Variants in SND1 observed in about 807,000 individuals in gnomAD.
The protein encoded by SND1 is staphylococcal nuclease and tudor domain containing 1, also known as staphylococcal nuclease domain-containing protein 1.
In SND1, 38 loss-of-function variants were observed where a neutral mutation model predicts 121.7. The observed-to-expected ratio is 0.31, with a 90% CI of 0.24 to 0.41. The LOEUF (loss-of-function observed/expected upper bound fraction) is 0.41. Ranked by LOEUF, SND1 falls within the 10% of genes least tolerant of loss-of-function variation. The pLI is 1.00. For synonymous variants in SND1, 401 were observed against 447.4 expected, an observed-to-expected ratio of 0.90 and a Z score of 1.31; for missense variants, 868 against 1,184.6, an observed-to-expected ratio of 0.73 and a Z score of 3.92.
rs149912705 is a variant in SND1 at position 127,792,091 on chromosome 7, C to T, written c.1153-15393C>T. Among the ~76,000 whole-genome samples, 102 of 152,296 alleles carry T rather than the reference C, an allele frequency of 6.7e-4. No homozygotes were observed. The East Asian group carries it at 0.016, about 24-fold the overall frequency. ...GCACATTCCATGGATTAGACACATA[C>T]TGTGACTTGAAAGTCTTCTCTTTAC... On this transcript the variant is annotated intron_variant, in intron 10 of 23. Transcript: ENST00000354725.
At chr7:127,755,126 G>A (rs1190335414) in intron 10 of SND1, among the ~76,000 whole-genome samples, 2 of 152,170 alleles carry the variant, frequency 1.3e-5, no homozygotes, top group Non-Finnish European at 2.9e-5. Context: ...ATGCCAAGAA[G>A]TGTATATTAT....
chr7:127,941,912 T>TA (rs71312837), intron 15 of SND1, among the ~76,000 whole-genome samples: 73 of 134,208 alleles, frequency 5.4e-4, no homozygotes, highest in African/African-American at 1.9e-3. Context: ...TTTTTTTTTT[T>TA]AAATTTTCCA....
At chr7:127,858,930 T>C (rs1799331320) in intron 12 of SND1, among the ~76,000 whole-genome samples, 1 of 152,220 alleles carries the variant, frequency 6.6e-6, no homozygotes. Context: ...TTTCTTCCTC[T>C]GAACAAAACG....
At chr7:127,939,687 A>G (rs551601686) in intron 15 of SND1, among the ~76,000 whole-genome samples, 4 of 152,256 alleles carry the variant, frequency 2.6e-5, no homozygotes, top group East Asian at 1.9e-4. Context: ...ATCGCCTTCT[A>G]TGGAGTCAGA....
At position 127,904,911 on chromosome 7, in the gene SND1, C is replaced by G. The variant is rs954644738; in HGVS notation, c.1527+92C>G. The G allele has an allele frequency of 2.6e-4, 219 of 828,936 alleles. 1 individual carries two copies. In the Middle Eastern group the frequency reaches 2.8e-3, roughly 11 times the overall value. 51.3% of individuals were successfully genotyped at this position (828,936 alleles called of 1,614,324 possible). A position where few individuals can be genotyped will look rare whatever the true frequency, so the allele number is the denominator to read the frequency against. ...AAGGACTTCAGCTTATGTATTTTCT[C>G]TAGCTCGCTCCTTTTCAGGCACTGA... On this transcript the variant is annotated intron_variant, in intron 14 of 23. Transcript: ENST00000354725.
chr7:127,725,575 T>C (rs1158973584), intron 10 of SND1, among the ~76,000 whole-genome samples: 2 of 151,966 alleles, frequency 1.3e-5, no homozygotes, highest in Non-Finnish European at 2.9e-5. Context: ...AAACATGGAG[T>C]GCTTGAGGAA....
chr7:128,045,056 G>A (rs755881668), intron 16 of SND1, among the ~76,000 whole-genome samples: 18 of 152,272 alleles, frequency 1.2e-4, no homozygotes, highest in East Asian at 1.9e-4. Flanking sequence ...CATAGATAGC[G>A]TGGAAACTAG....
chr7:128,012,811 TG>T (rs1803144124), intron 16 of SND1, among the ~76,000 whole-genome samples: 1 of 152,128 alleles, frequency 6.6e-6, no homozygotes, highest in Non-Finnish European at 1.5e-5. Flanking sequence ...TCTTCTTTCT[TG>T]GGGGGTTTTG....
At chr7:127,823,175 T>C (rs1462941098) in intron 11 of SND1, among the ~76,000 whole-genome samples, 1 of 151,956 alleles carries the variant, frequency 6.6e-6, no homozygotes, top group Non-Finnish European at 1.5e-5. Flanking sequence ...ACAGAGTGAG[T>C]TCTTAAGAGG....
chr7:127,759,173 G>T (rs564451460), intron 10 of SND1, among the ~76,000 whole-genome samples: 16 of 152,204 alleles, frequency 1.1e-4, no homozygotes, highest in Middle Eastern at 3.4e-3. Context: ...CAAATGAATC[G>T]ATAAGAATCG....
intron 10 of SND1, among the ~76,000 whole-genome samples, chr7:127,760,342 G>A (rs1797280452): frequency 6.6e-6 from 1 of 152,186 alleles, no homozygotes; most frequent in South Asian, 2.1e-4. Flanking sequence ...ACTGTATTTA[G>A]TTCTCTGTTT....
At chr7:127,856,526 G>A (rs77486166) in intron 12 of SND1, among the ~76,000 whole-genome samples, 4 of 152,280 alleles carry the variant, frequency 2.6e-5, no homozygotes, top group East Asian at 1.9e-4. Flanking sequence ...CAAATATTGC[G>A]ATCTTGGAGG....
intron 12 of SND1, among the ~76,000 whole-genome samples, chr7:127,874,863 A>G (rs894058816): frequency 6.6e-6 from 1 of 152,150 alleles, no homozygotes; most frequent in Non-Finnish European, 1.5e-5. Flanking sequence ...ATATGTGGAT[A>G]GATTATTTTT....
intron 9 of SND1, among the ~76,000 whole-genome samples, chr7:127,711,677 T>G (rs1796300246): frequency 6.6e-6 from 1 of 152,138 alleles, no homozygotes; most frequent in Non-Finnish European, 1.5e-5. Flanking sequence ...TCTAGAATCT[T>G]TGTTCTCTTT....
chr7:128,031,210 C>T (rs1157395871), intron 16 of SND1: 1 of 152,292 alleles, frequency 6.6e-6, no homozygotes, highest in Non-Finnish European at 1.5e-5. Context: ...AGGAGCGGCG[C>T]CACCAGCGCT....
intron 11 of SND1, among the ~76,000 whole-genome samples, chr7:127,835,662 C>T (rs1798854625): frequency 6.7e-6 from 1 of 149,390 alleles, no homozygotes; most frequent in Non-Finnish European, 1.5e-5. Context: ...GATAATGGAG[C>T]ATTAGCACAA....
intron 8 of SND1, among the ~76,000 whole-genome samples, chr7:127,705,442 ACT>A (rs775869543): frequency 1.3e-5 from 2 of 152,138 alleles, no homozygotes; most frequent in African/African-American, 2.4e-5. Flanking sequence ...CACTAATATA[ACT>A]CTGAGACGTT....
intron 16 of SND1, among the ~76,000 whole-genome samples, chr7:128,012,210 G>T (rs1212125112): frequency 2.0e-5 from 3 of 152,116 alleles, no homozygotes; most frequent in Non-Finnish European, 4.4e-5. Flanking sequence ...TGGTAGGTGG[G>T]GGACAGGATG....
Position 127,963,222 on chromosome 7 carries a change from G to C in SND1, c.1670-27725G>C, listed in dbSNP as rs377501263. The stretch of plus-strand genomic sequence containing the variant: ...AATGTGGATGGTGGCTGAGTACCCA[G>C]AGATAAGACTAGAGCGGCATATTTC... On this transcript the variant is annotated intron_variant, in intron 15 of 23. Transcript: ENST00000354725. Among the ~76,000 whole-genome samples, 24 of 151,532 alleles carry C rather than the reference G, an allele frequency of 1.6e-4. No individual in the cohort carries two copies. In the East Asian group the frequency reaches 3.9e-3, roughly 24 times the overall value.
Sources: allele counts gnomAD v4.1 joint callset (sites outside exome capture counted in the v4.1 genomes callset), GRCh38; gene constraint gnomAD v4.1.1; transcripts MANE v1.5; gene names NCBI Gene and HGNC (gene_info 2026-07-23, HGNC 2026-07-21).